Variants in DNAH9 observed in about 807,000 individuals in gnomAD.
DNAH9 encodes the protein dynein axonemal heavy chain 9.
Under a neutral mutation model 471.6 loss-of-function variants are expected in DNAH9, and 345 were observed. The observed-to-expected ratio is 0.73, with a 90% CI of 0.67 to 0.80. The LOEUF is 0.80. DNAH9 is among the 30% of genes least tolerant of loss of function. The pLI, the probability that DNAH9 is intolerant of heterozygous loss-of-function variation, is 0.00. For synonymous variants in DNAH9, 2,093 were observed against 2,123.6 expected, an observed-to-expected ratio of 0.99 and a Z score of 0.40; for missense variants, 5,407 against 5,609.2, an observed-to-expected ratio of 0.96 and a Z score of 1.15.
intron 37 of DNAH9, 71 bp downstream of exon 37, chr17:11,768,697 G>A: frequency 2.6e-6 from 4 of 1,535,020 alleles, no homozygotes; most frequent in Middle Eastern, 2.0e-4. Flanking sequence ...TCCAGTAGCA[G>A]CCCCGCATGG....
At chr17:11,881,547 C>T (rs1467060414) in intron 55 of DNAH9, 134 bp downstream of exon 55, 2 of 818,392 alleles carry the variant, frequency 2.4e-6, no homozygotes, top group Admixed American at 3.0e-5. Context: ...AGACTGCTGA[C>T]CCCATGTAGC....
intron 50 of DNAH9, among the ~76,000 whole-genome samples, chr17:11,855,792 G>C (rs920878637): frequency 6.6e-6 from 1 of 152,158 alleles, no homozygotes. Context: ...CTGGAAGATA[G>C]CATAGCAACT....
At chr17:11,918,077 T>C (rs1439657305) in intron 61 of DNAH9, among the ~76,000 whole-genome samples, 4 of 152,234 alleles carry the variant, frequency 2.6e-5, no homozygotes, top group Admixed American at 1.3e-4. Context: ...GTAGGCCTGC[T>C]ACCAGATATG....
At chr17:11,864,901 T>C (rs1021125283) in intron 50 of DNAH9, among the ~76,000 whole-genome samples, 1 of 152,164 alleles carries the variant, frequency 6.6e-6, no homozygotes, top group Non-Finnish European at 1.5e-5. Context: ...CCTTTTATTT[T>C]GAGCCTATGT....
Position 11,640,289 on chromosome 17 carries a change from G to C in DNAH9, c.1806G>C (p.Lys602Asn). Residue 602 changes from lysine (K) to asparagine (N), a missense_variant, in exon 10 of 69, where the codon AAG becomes AAC. By Grantham distance (94) the Lys-to-Asn change is moderately conservative (BLOSUM62 0). Around this residue, in one of 3 missense-constraint regions of DNAH9, gnomAD observed 4,636 missense variants for 4,900.3 expected, o/e 0.95. Coordinates refer to ENST00000262442, the MANE Select transcript of DNAH9 (RefSeq NM_001372.4). ...CTCCAGGGTTCTCCCCGGTGCACAAGAACATGCCCACCGTGGCTGGCGGCC... is the reference window on the plus strand; with the variant it reads ...CTCCAGGGTTCTCCCCGGTGCACAACAACATGCCCACCGTGGCTGGCGGCC... Reference protein sequence around the residue: ...EAELGFSPVHKNMPTVAGGLR... With the variant: ...EAELGFSPVHNNMPTVAGGLR... 1 of 1,613,698 alleles carries C rather than the reference G, an allele frequency of 6.2e-7. No individual in the cohort carries two copies. Among genetic ancestry groups the C allele is most frequent in the Non-Finnish European group, 8.5e-7 (1 of 1,179,696 alleles).
rs58010981 is a variant in DNAH9 at position 11,821,286 on chromosome 17, CA to C, written c.8708-613del. Among the ~76,000 whole-genome samples, 237 of 123,860 alleles carry C rather than the reference CA, an allele frequency of 1.9e-3. 1 individual carries two copies. The highest frequency in any genetic ancestry group is 0.016 in the South Asian group (59 of 3,690). The allele number at this position is 123,860 out of a possible 152,430, so 81.3% of individuals were successfully genotyped here. On this transcript the variant is annotated intron_variant, in intron 45 of 68. Coordinates refer to ENST00000262442, the MANE Select transcript of DNAH9 (RefSeq NM_001372.4). ...GGGCAACAGGAGCAAAACTCTATCTCAAAAAAAAAAAAAAAAAAAAATCAAC... is the reference window on the plus strand; with the variant it reads ...GGGCAACAGGAGCAAAACTCTATCTCAAAAAAAAAAAAAAAAAAAATCAAC...
chr17:11,719,394 T>C lies in DNAH9; in HGVS notation c.5613T>C (p.Pro1871=). The C allele has an allele frequency of 6.2e-7, 1 of 1,614,018 alleles. No homozygotes were observed. Among genetic ancestry groups the C allele is most frequent in the Non-Finnish European group, 8.5e-7 (1 of 1,179,984 alleles). The part of the protein sequence containing the change: ...HLTMSGAPAG[P]AGTGKTETTK... ...CCATGAGTGGGGCTCCCGCAGGACC[T>C]GCAGGCACAGGCAAGACCGAGACCA... The change falls in exon 27 of 69, where the codon CCT becomes CCC. Residue 1871 remains proline, a synonymous_variant. Transcript: ENST00000262442.
intron 58 of DNAH9, among the ~76,000 whole-genome samples, chr17:11,893,843 C>T (rs1268030155): frequency 1.3e-5 from 2 of 152,072 alleles, no homozygotes; most frequent in South Asian, 2.1e-4. Flanking sequence ...CAAACCTGCA[C>T]GTTCTGCACA....
At chr17:11,789,805 T>C (rs1029834266) in intron 41 of DNAH9, among the ~76,000 whole-genome samples, 4 of 152,048 alleles carry the variant, frequency 2.6e-5, no homozygotes, top group African/African-American at 9.7e-5. Flanking sequence ...CTTTGTCTCA[T>C]CTAAAACATT....
chr17:11,619,528 C>G lies in DNAH9; in HGVS notation c.1117-20C>G, dbSNP rs1375471942. On this transcript the variant is annotated intron_variant, in intron 5 of 68. Transcript: ENST00000262442. Reference sequence around the variant, plus strand: ...GGATGTCTGCACCTGCTCAGTGATACTAATCTGTTTGTATACCAGGCCTCT... The same window carrying G: ...GGATGTCTGCACCTGCTCAGTGATAGTAATCTGTTTGTATACCAGGCCTCT... 1 of 1,440,878 alleles carries G rather than the reference C, an allele frequency of 6.9e-7. No individual in the cohort carries two copies. Among genetic ancestry groups the G allele is most frequent in the East Asian group, 2.3e-5 (1 of 44,076 alleles). The allele number at this position is 1,440,878 out of a possible 1,614,324, so 89.3% of individuals were successfully genotyped here.
intron 28 of DNAH9, among the ~76,000 whole-genome samples, chr17:11,728,505 A>G (rs1490059468): frequency 7.0e-6 from 1 of 143,464 alleles, no homozygotes; most frequent in East Asian, 2.1e-4. Context: ...TTCCCAGTTG[A>G]ATGGAATGTG....
intron 30 of DNAH9, 87 bp downstream of exon 30, chr17:11,742,400 C>A: frequency 7.5e-7 from 1 of 1,341,958 alleles, no homozygotes; most frequent in Non-Finnish European, 1.0e-6. Context: ...ATTAGGAAAA[C>A]ATACTCAAGC....
At chr17:11,920,958 T>C (rs553755274) in intron 61 of DNAH9, among the ~76,000 whole-genome samples, 5 of 152,196 alleles carry the variant, frequency 3.3e-5, no homozygotes, top group Admixed American at 6.5e-5. Flanking sequence ...CTGGCCAACA[T>C]AGTGAAAGCT....
intron 36 of DNAH9, among the ~76,000 whole-genome samples, chr17:11,766,657 G>A (rs1967947053): frequency 6.6e-6 from 1 of 152,184 alleles, no homozygotes. Flanking sequence ...GAGATACCAT[G>A]GAGTGGAATT....
intron 20 of DNAH9, among the ~76,000 whole-genome samples, chr17:11,692,975 G>A (rs551909147): frequency 1.3e-5 from 2 of 151,958 alleles, no homozygotes; most frequent in East Asian, 1.9e-4. Context: ...GCACGGTCTC[G>A]GCTCAATACA....
At position 11,930,103 on chromosome 17, in the gene DNAH9, C is replaced by G. The variant is rs374962757; in HGVS notation, c.12105+10C>G. On this transcript the variant is annotated intron_variant, in intron 63 of 68. Transcript: ENST00000262442. ...GGACAACTTCACTCAGGTACGGCCC[C>G]GGGAGGGAGGCAAAAACAGCAGCAC... The G allele has an allele frequency of 6.2e-7, 1 of 1,609,224 alleles. No homozygotes were observed.
chr17:11,699,411 A>G lies in DNAH9; in HGVS notation c.4873-320A>G, dbSNP rs890154677. On this transcript the variant is annotated intron_variant, in intron 22 of 68. Coordinates refer to ENST00000262442, the MANE Select transcript of DNAH9 (RefSeq NM_001372.4). ...TGTTTTCTTAGGAAGAAGGTTTACA[A>G]CTGGACCATCATATTTTTCTCCAAT... Among the ~76,000 whole-genome samples, 17 of 152,206 alleles carry G rather than the reference A, an allele frequency of 1.1e-4. No homozygotes were observed. The East Asian group carries it at 1.2e-3, about 10-fold the overall frequency.
intron 48 of DNAH9, among the ~76,000 whole-genome samples, chr17:11,824,903 T>C (rs1751877838): frequency 1.3e-5 from 2 of 151,934 alleles, no homozygotes; most frequent in Admixed American, 6.6e-5. Context: ...CTCCTTCTCC[T>C]CTTCCTCCTC....
chr17:11,640,305 G>T lies in DNAH9; in HGVS notation c.1822G>T (p.Ala608Ser). ...SPVHKNMPTV[A>S]GGLRWAQELR... ...GGTGCACAAGAACATGCCCACCGTG[G>T]CTGGCGGCCTCCGCTGGGCACAGGA... Residue 608 changes from alanine to serine, a missense_variant, in exon 10 of 69, where the codon GCT (alanine) becomes TCT (serine). Coordinates refer to ENST00000262442, the MANE Select transcript of DNAH9 (RefSeq NM_001372.4). 1.9e-6 allele frequency: 3 copies of T among 1,613,962 alleles called. No homozygotes were observed. The highest frequency in any genetic ancestry group is 2.5e-6 in the Non-Finnish European group (3 of 1,179,900).
Sources: gnomAD v4.1 joint callset for allele counts (sites outside exome capture counted in the v4.1 genomes callset) on GRCh38, gnomAD v4.1.1 for gene constraint, gnomAD v4.1.1 regional missense constraint, MANE v1.5 for transcripts, NCBI Gene and HGNC (gene_info 2026-07-23, HGNC 2026-07-21) for gene names.